ATP2C1: variants seen among roughly 807,000 people sequenced by gnomAD.
ATP2C1 encodes calcium-transporting ATPase type 2C member 1.
Under a neutral mutation model 120.5 loss-of-function variants are expected in ATP2C1, and 31 were observed. The ratio of observed to expected loss-of-function variants is 0.26; its 90% confidence interval spans 0.19 to 0.35. The LOEUF is 0.35. ATP2C1 is among the 10% of genes least tolerant of loss of function. The pLI, the probability that ATP2C1 is intolerant of heterozygous loss-of-function variation, is 1.00. For missense variants in ATP2C1, 731 were observed against 1,107.5 expected (o/e 0.66, Z 4.83); for synonymous variants, 351 against 358.7 (o/e 0.98, Z 0.24).
intron 2 of ATP2C1, among the ~76,000 whole-genome samples, chr3:130,921,818 T>C (rs2058979901): frequency 6.6e-6 from 1 of 152,204 alleles, no homozygotes; most frequent in Admixed American, 6.5e-5. Flanking sequence ...GAAACCCACT[T>C]GATCATGGTG....
chr3:130,869,643 G>A (rs768292308), intron 1 of ATP2C1, among the ~76,000 whole-genome samples: 1 of 152,182 alleles, frequency 6.6e-6, no homozygotes, highest in Non-Finnish European at 1.5e-5. Context: ...TGTGCAGGAA[G>A]TTTGAGCGGT....
At chr3:130,884,693 C>T (rs1165039970) in intron 1 of ATP2C1, among the ~76,000 whole-genome samples, 1 of 152,258 alleles carries the variant, frequency 6.6e-6, no homozygotes, top group Non-Finnish European at 1.5e-5. Flanking sequence ...GTGTTAGGTA[C>T]ATACATATTT....
At chr3:130,956,058 A>G (rs2060568270) in intron 10 of ATP2C1, 46 bp from the exon 11 acceptor site, 2 of 1,315,742 alleles carry the variant, frequency 1.5e-6, no homozygotes, top group East Asian at 4.6e-5. Context: ...GATAAAGCTT[A>G]GTAAATATAG....
intron 8 of ATP2C1, among the ~76,000 whole-genome samples, chr3:130,950,460 C>T (rs1369650650): frequency 2.0e-5 from 3 of 152,060 alleles, no homozygotes; most frequent in East Asian, 3.8e-4. Context: ...TCTTCTCAGA[C>T]GAATTAAATT....
chr3:130,991,626 T>TA (rs1246522759), intron 20 of ATP2C1, among the ~76,000 whole-genome samples: 1 of 152,184 alleles, frequency 6.6e-6, no homozygotes. Context: ...TTTCTTTTTT[T>TA]ATATGGAAGG....
chr3:131,015,117 G>A (rs1196612181), intron 26 of ATP2C1: 13 of 634,838 alleles, frequency 2.0e-5, no homozygotes, highest in Admixed American at 1.6e-4. Flanking sequence ...TCTTATTTGT[G>A]TTAGCTCAGA....
intron 1 of ATP2C1, among the ~76,000 whole-genome samples, chr3:130,859,006 C>A (rs749644494): frequency 2.6e-5 from 4 of 152,114 alleles, no homozygotes; most frequent in African/African-American, 9.7e-5. Flanking sequence ...CTGCAGAGTG[C>A]GGGGGTATGT....
At chr3:130,905,186 G>A (rs1005980188) in intron 2 of ATP2C1, among the ~76,000 whole-genome samples, 2 of 152,030 alleles carry the variant, frequency 1.3e-5, no homozygotes, top group African/African-American at 4.8e-5. Context: ...GCTACTGGGT[G>A]TCATTGCTTC....
At chr3:130,899,986 A>G (rs1459921119) in intron 2 of ATP2C1, among the ~76,000 whole-genome samples, 4 of 152,130 alleles carry the variant, frequency 2.6e-5, no homozygotes, top group Non-Finnish European at 5.9e-5. Flanking sequence ...TGCTGACCTA[A>G]ACTCGTGTCC....
At chr3:130,866,509 G>T (rs1313935321) in intron 1 of ATP2C1, among the ~76,000 whole-genome samples, 5 of 152,144 alleles carry the variant, frequency 3.3e-5, no homozygotes, top group African/African-American at 1.2e-4. Flanking sequence ...AAGAAGCATT[G>T]TTCCAAAGGT....
intron 2 of ATP2C1, among the ~76,000 whole-genome samples, chr3:130,915,926 A>G (rs2058668535): frequency 6.6e-6 from 1 of 152,216 alleles, no homozygotes; most frequent in Admixed American, 6.5e-5. Context: ...CACTAAATAA[A>G]TGGGTTATGT....
intron 18 of ATP2C1, 86 bp from the exon 19 acceptor site, chr3:130,979,163 A>G (rs2061648980): frequency 3.1e-6 from 4 of 1,279,770 alleles, no homozygotes; most frequent in Non-Finnish European, 3.4e-6. Context: ...AAGAAGTGTT[A>G]CTGTCTCCAA....
Position 130,980,644 on chromosome 3 carries a change from A to G in ATP2C1, c.1804A>G (p.Met602Val), listed in dbSNP as rs1002638794. 7 of 1,613,264 alleles carry G rather than the reference A, an allele frequency of 4.3e-6. No individual in the cohort carries two copies. Among genetic ancestry groups the G allele is most frequent in the South Asian group, 2.2e-5 (2 of 91,084 alleles). The change falls in exon 20 of 28, where the codon ATG (methionine) becomes GTG (valine). Residue 602 changes from methionine (M) to valine (V), a missense_variant. By Grantham distance (21) the Met-to-Val change is conservative (BLOSUM62 1). Around this residue, in one of 3 missense-constraint regions of ATP2C1, gnomAD observed 571 missense variants for 845.9 expected, o/e 0.67. Coordinates refer to ENST00000510168, the MANE Select transcript of ATP2C1 (RefSeq NM_001378687.1). ...QSVSGEEIDA[M>V]DVQQLSQIVP... is the part of the protein sequence containing the mutation. ...AGTCTCAGGAGAAGAAATAGATGCA[A>G]TGGATGTTCAGCAGCTTTCACAAAT... is the stretch of plus-strand genomic sequence containing the variant.
chr3:130,994,216 C>A, intron 22 of ATP2C1, 118 bp downstream of exon 22: 1 of 1,186,800 alleles, frequency 8.4e-7, no homozygotes. Flanking sequence ...TAAACTAAAC[C>A]ACTTTTCTAG....
Position 130,868,927 on chromosome 3 carries a change from C to T in ATP2C1, c.108+17999C>T, listed in dbSNP as rs1215416787. The T allele has an allele frequency of 1.9e-3, 312 of 160,036 alleles. 7 individuals are homozygous for T. The highest frequency in any genetic ancestry group is 7.5e-3 in the African/African-American group (294 of 39,206). The allele number at this position is 160,036 out of a possible 1,614,324, so 9.9% of individuals were successfully genotyped here. On this transcript the variant is annotated intron_variant, in intron 1 of 26. Transcript: ENST00000504381. The stretch of plus-strand genomic sequence containing the variant: ...GCCACCACCCCGTCTGGGAGGTGTG[C>T]CCAGCGGCTCATTGGGGATGGGCCA...
intron 17 of ATP2C1, among the ~76,000 whole-genome samples, chr3:130,973,095 C>A (rs1165286484): frequency 6.6e-6 from 1 of 151,900 alleles, no homozygotes; most frequent in Non-Finnish European, 1.5e-5. Flanking sequence ...TACAGAAGAT[C>A]CAGTAATTAC....
At chr3:130,997,014 A>T (rs113824908) in intron 24 of ATP2C1, among the ~76,000 whole-genome samples, 2 of 152,090 alleles carry the variant, frequency 1.3e-5, no homozygotes, top group Admixed American at 6.5e-5. Context: ...TGCCTAGCCT[A>T]AGGTTGAGAA....
intron 12 of ATP2C1, among the ~76,000 whole-genome samples, chr3:130,961,585 G>A (rs768567938): frequency 1.3e-5 from 2 of 152,008 alleles, no homozygotes; most frequent in African/African-American, 2.4e-5. Context: ...GAAGGTTGAT[G>A]TAATAATAAA....
At chr3:130,998,261 C>G in intron 25 of ATP2C1, 33 bp from the exon 26 acceptor site, 1 of 1,439,468 alleles carries the variant, frequency 6.9e-7, no homozygotes, top group Non-Finnish European at 9.8e-7. Context: ...AATTCAGCCA[C>G]TGAAAAGTAA....
Sources: allele counts gnomAD v4.1 joint callset (sites outside exome capture counted in the v4.1 genomes callset), GRCh38; gene constraint gnomAD v4.1.1; regional missense constraint gnomAD v4.1.1; transcripts MANE v1.5; gene names NCBI Gene and HGNC (gene_info 2026-07-23, HGNC 2026-07-21).